RALGDS: variants seen among roughly 807,000 people sequenced by gnomAD.
RALGDS encodes the protein ral guanine nucleotide dissociation stimulator.
In RALGDS, 44 loss-of-function variants were observed where a neutral mutation model predicts 99.8. The ratio of observed to expected loss-of-function variants is 0.44; its 90% CI spans 0.35 to 0.57. The LOEUF is 0.57. Among genes scored for constraint, RALGDS ranks in the 20% least tolerant of loss-of-function variants. The pLI is 0.01. For synonymous variants in RALGDS, 529 were observed against 505.0 expected, an observed-to-expected ratio of 1.05 and a Z score of -0.64; for missense variants, 1,022 against 1,203.1, an observed-to-expected ratio of 0.85 and a Z score of 2.23.
intron 17 of RALGDS, chr9:133,099,649 TACATATACACATATATAC>T (rs1830663117): frequency 1.5e-4 from 1 of 6,740 alleles, no homozygotes; most frequent in South Asian, 6.0e-3. Context: ...CATATATACA[TACATATACACATATATAC>T]ATACATATAG....
chr9:133,134,830 A>G (rs904003746), upstream of RALGDS, among the ~76,000 whole-genome samples: 4 of 152,066 alleles, frequency 2.6e-5, no homozygotes, highest in Non-Finnish European at 5.9e-5. Context: ...CACCATCATG[A>G]TATGTGACGC....
upstream of RALGDS, chr9:133,121,282 CG>C: frequency 3.4e-6 from 2 of 582,912 alleles, no homozygotes; most frequent in Non-Finnish European, 2.1e-6. Flanking sequence ...GGCTGGGGGG[CG>C]GGGCCGGAGG....
At chr9:133,105,893 C>CTGCCG (rs1831025878) in intron 9 of RALGDS, 39 bp downstream of exon 9, 1 of 70,300 alleles carries the variant, frequency 1.4e-5, no homozygotes, top group African/African-American at 6.3e-5. Context: ...CCGCCCCAGC[C>CTGCCG]CCCGCCCCAG....
chr9:133,112,182 C>T (rs552607053), intron 1 of RALGDS, 30 bp from the exon 2 acceptor site: 15 of 1,489,322 alleles, frequency 1.0e-5, no homozygotes, highest in South Asian at 3.6e-5. Flanking sequence ...CAGCCGGGCG[C>T]GGGGACGTCA....
At chr9:133,117,602 T>C (rs1831675790) in intron 1 of RALGDS, among the ~76,000 whole-genome samples, 1 of 152,254 alleles carries the variant, frequency 6.6e-6, no homozygotes, top group Admixed American at 6.5e-5. Flanking sequence ...AAGCTCAGCT[T>C]GTCCTGCATG....
intron 9 of RALGDS, among the ~76,000 whole-genome samples, chr9:133,105,182 G>C (rs1189548630): frequency 6.6e-6 from 1 of 152,154 alleles, no homozygotes; most frequent in Non-Finnish European, 1.5e-5. Flanking sequence ...ATGCTCCCCT[G>C]TAGGGAACTC....
upstream of RALGDS, among the ~76,000 whole-genome samples, chr9:133,124,790 G>A (rs1282032731): frequency 3.3e-5 from 5 of 152,236 alleles, no homozygotes; most frequent in Admixed American, 6.5e-5. Context: ...AAGCTGTGGG[G>A]ACACCCTAAC....
At chr9:133,133,740 C>T (rs929572697), upstream of RALGDS, among the ~76,000 whole-genome samples, 1 of 152,248 alleles carries the variant, frequency 6.6e-6, no homozygotes, top group Admixed American at 6.5e-5. Context: ...AGTGGTCCCA[C>T]GATGCTCTGC....
At chr9:133,124,799 ACCAAGGGCAAGGCCATC>A, upstream of RALGDS, among the ~76,000 whole-genome samples, 1 of 152,226 alleles carries the variant, frequency 6.6e-6, no homozygotes, top group Non-Finnish European at 1.5e-5. Flanking sequence ...GGACACCCTA[ACCAAGGGCAAGGCCATC>A]CTGGGACAGC....
chr9:133,106,351 C>T (rs991730982), intron 8 of RALGDS, among the ~76,000 whole-genome samples: 2 of 152,214 alleles, frequency 1.3e-5, no homozygotes, highest in African/African-American at 2.4e-5. Flanking sequence ...GCCTCAGCCT[C>T]CCAAGTAGCT....
In RALGDS at chr9:133,098,068, G is replaced by T; in HGVS notation, c.*519C>A. On this transcript the variant is annotated 3_prime_UTR_variant, in exon 18 of 18. Coordinates refer to ENST00000372050, the MANE Select transcript of RALGDS (RefSeq NM_006266.4). ...AGGGGAGGGCTGGGGTAAGCGGTGG[G>T]TGAGACTCCCTCACTCTCAGTTGGC... 1 of 259,820 alleles carries T rather than the reference G, an allele frequency of 3.8e-6. No homozygotes were observed. Among genetic ancestry groups the T allele is most frequent in the Non-Finnish European group, 7.5e-6 (1 of 133,510 alleles). 16.1% of individuals were successfully genotyped at this position (259,820 alleles called of 1,614,324 possible). A position where few individuals can be genotyped will look rare whatever the true frequency, so the allele number is the denominator to read the frequency against.
At chr9:133,099,621 T>C (rs984385938) in intron 17 of RALGDS, 3 of 154,716 alleles carry the variant, frequency 1.9e-5, no homozygotes, top group African/African-American at 7.3e-5. Context: ...CACACACATA[T>C]ACATGCATAT....
At chr9:133,145,263 C>G (rs2119278406) in intron 1 of RALGDS, among the ~76,000 whole-genome samples, 2 of 152,300 alleles carry the variant, frequency 1.3e-5, no homozygotes, top group African/African-American at 2.4e-5. Context: ...CCACACCTCC[C>G]CTCCACGAAT....
At chr9:133,113,588 G>C (rs1831453174) in intron 1 of RALGDS, among the ~76,000 whole-genome samples, 1 of 152,198 alleles carries the variant, frequency 6.6e-6, no homozygotes, top group South Asian at 2.1e-4. Flanking sequence ...GGGGAGGTCT[G>C]GCCCTTCCAC....
At chr9:133,143,768 T>TAACAAC (rs1417707331) in intron 1 of RALGDS, among the ~76,000 whole-genome samples, 122 of 102,388 alleles carry the variant, frequency 1.2e-3, no homozygotes, top group Non-Finnish European at 1.7e-3. Flanking sequence ...ATAATAATAA[T>TAACAAC]AATAACAACA....
rs567013364 is a variant in RALGDS at position 133,138,796 on chromosome 9, G to A, written c.18+10167C>T. Among the ~76,000 whole-genome samples the A allele has an allele frequency of 1.9e-3, 289 of 152,216 alleles. 1 individual carries two copies. Among genetic ancestry groups the A allele is most frequent in the African/African-American group, 6.3e-3 (261 of 41,520 alleles). ...ATTACAGGTGTGCACCACCACGCCC[G>A]GCTAATTTTTGTATTTTTAGTAGAG... On this transcript the variant is annotated intron_variant, in intron 1 of 17. Coordinates refer to the RALGDS transcript ENST00000393160.
chr9:133,137,512 G>A (rs889961069), intron 1 of RALGDS, among the ~76,000 whole-genome samples: 4 of 152,260 alleles, frequency 2.6e-5, no homozygotes, highest in Admixed American at 6.5e-5. Context: ...GCAGGGGGCC[G>A]GAGGGCCAGG....
intron 1 of RALGDS, chr9:133,130,870 C>A: frequency 7.4e-7 from 1 of 1,342,332 alleles, no homozygotes; most frequent in Non-Finnish European, 1.0e-6. Flanking sequence ...GACCTGGGGG[C>A]CAGAACACTC....
intron 8 of RALGDS, 31 bp downstream of exon 8, chr9:133,106,614 G>T: frequency 6.6e-7 from 1 of 1,515,952 alleles, no homozygotes; most frequent in Non-Finnish European, 9.1e-7. Context: ...GGTCCCTGGT[G>T]CACCAGGAGC....
Sources: gnomAD v4.1 joint callset for allele counts (sites outside exome capture counted in the v4.1 genomes callset) on GRCh38, gnomAD v4.1.1 for gene constraint, MANE v1.5 for transcripts, NCBI Gene and HGNC (gene_info 2026-07-23, HGNC 2026-07-21) for gene names.